Variants in MED13L observed in about 807,000 individuals in gnomAD.
MED13L encodes mediator complex subunit 13L.
In MED13L, 7 loss-of-function variants were observed where a neutral mutation model predicts 220.9. The ratio of observed to expected loss-of-function variants is 0.03; its 90% CI spans 0.02 to 0.06. MED13L has a LOEUF of 0.06. Among genes scored for constraint, MED13L ranks in the 10% least tolerant of loss-of-function variants. The pLI is 1.00. For synonymous variants in MED13L, 1,011 were observed against 1,015.2 expected (o/e 1.00, Z 0.08); for missense variants, 1,965 against 2,760.5 (o/e 0.71, Z 6.46).
intron 2 of MED13L, among the ~76,000 whole-genome samples, chr12:116,228,740 G>C (rs1489868188): frequency 6.6e-6 from 1 of 152,138 alleles, no homozygotes; most frequent in Non-Finnish European, 1.5e-5. Context: ...TCCATTCAAT[G>C]TTAATGTTCT....
chr12:116,133,888 T>C (rs866719583), intron 2 of MED13L, among the ~76,000 whole-genome samples: 1 of 152,126 alleles, frequency 6.6e-6, no homozygotes, highest in African/African-American at 2.4e-5. Flanking sequence ...GCCAACTGTC[T>C]CAGCTGACAT....
intron 2 of MED13L, among the ~76,000 whole-genome samples, chr12:116,172,713 T>C (rs922602125): frequency 2.0e-5 from 3 of 152,058 alleles, no homozygotes; most frequent in East Asian, 1.9e-4. Context: ...ATCTGTCAAT[T>C]TGTGGGAATC....
intron 2 of MED13L, among the ~76,000 whole-genome samples, chr12:116,159,062 AAAAAATC>A (rs1878664807): frequency 6.6e-6 from 1 of 152,188 alleles, no homozygotes; most frequent in African/African-American, 2.4e-5. Flanking sequence ...TTCAACAAAC[AAAAAATC>A]ACCACCACAA....
rs566053231 is a variant in MED13L at position 116,156,812 on chromosome 12, G to A, written c.311-45300C>T. ...ATTATGCCTAAGTCATAAAACTGCC[G>A]AGTAGAGCAAAATATCTCCCTTTGC... On this transcript the variant is annotated intron_variant, in intron 2 of 30. Transcript: ENST00000281928. 9.9e-5 allele frequency among the ~76,000 whole-genome samples: 15 copies of A among 152,228 alleles called. No homozygotes were observed. In the South Asian group the frequency reaches 1.7e-3, roughly 17 times the overall value.
At chr12:116,134,033 A>C (rs1876307178) in intron 2 of MED13L, among the ~76,000 whole-genome samples, 1 of 152,066 alleles carries the variant, frequency 6.6e-6, no homozygotes, top group African/African-American at 2.4e-5. Flanking sequence ...TGGAGCAAAA[A>C]CTACTGGTCC....
At chr12:116,137,855 T>C (rs1037211504) in intron 2 of MED13L, among the ~76,000 whole-genome samples, 2 of 146,036 alleles carry the variant, frequency 1.4e-5, no homozygotes, top group African/African-American at 5.1e-5. Context: ...TGAGGTAATT[T>C]TTTTTTTTTT....
intron 1 of MED13L, among the ~76,000 whole-genome samples, chr12:116,264,843 G>C (rs1215158721): frequency 1.3e-5 from 2 of 151,990 alleles, no homozygotes; most frequent in Non-Finnish European, 2.9e-5. Context: ...AAACTTAAAA[G>C]TAAGCTGCAC....
intron 4 of MED13L, among the ~76,000 whole-genome samples, chr12:116,025,831 A>G (rs772232834): frequency 3.3e-5 from 5 of 152,202 alleles, no homozygotes; most frequent in African/African-American, 7.2e-5. Context: ...AATGCATTGT[A>G]TATCTCAAAA....
At chr12:116,172,877 A>G (rs1051161886) in intron 2 of MED13L, among the ~76,000 whole-genome samples, 2 of 151,608 alleles carry the variant, frequency 1.3e-5, no homozygotes, top group African/African-American at 4.9e-5. Flanking sequence ...CTTGCAAGGA[A>G]TAAGCACTCC....
At position 116,125,165 on chromosome 12, in the gene MED13L, T is replaced by C. The variant is rs549066207; in HGVS notation, c.311-13653A>G. On this transcript the variant is annotated intron_variant, in intron 2 of 30. Coordinates refer to ENST00000281928, the MANE Select transcript of MED13L (RefSeq NM_015335.5). The stretch of plus-strand genomic sequence containing the variant: ...GTTCACAAAACTTTGAAACCTGTAA[T>C]AGCTTTTCAAAAAATAATTATGTAG... Among the ~76,000 whole-genome samples the C allele has an allele frequency of 8.5e-5, 13 of 152,278 alleles. No homozygotes were observed. The South Asian group carries it at 2.1e-3, about 24-fold the overall frequency.
At chr12:116,217,500 C>A (rs146106012) in intron 2 of MED13L, among the ~76,000 whole-genome samples, 2 of 152,242 alleles carry the variant, frequency 1.3e-5, no homozygotes, top group African/African-American at 4.8e-5. Flanking sequence ...CAGTTCACGT[C>A]GGCCCATGAT....
intron 1 of MED13L, chr12:116,276,325 TGTGTGTGTGTGTGTGTGTGTGTGTGTGC>T: frequency 2.1e-6 from 1 of 480,134 alleles, no homozygotes; most frequent in Non-Finnish European, 3.6e-6. Context: ...TGTGTGTGTG[TGTGTGTGTGTGTGTGTGTGTGTGTGTGC>T]GGATTCGTTG....
At chr12:115,995,462 C>T (rs960138606) in intron 16 of MED13L, among the ~76,000 whole-genome samples, 3 of 152,122 alleles carry the variant, frequency 2.0e-5, no homozygotes, top group African/African-American at 4.8e-5. Context: ...CTTGCTCTGT[C>T]GACCAGGCTG....
chr12:115,975,432 T>G lies in MED13L; in HGVS notation c.5588+83A>C, dbSNP rs192414989. 8.6e-5 allele frequency: 137 copies of G among 1,591,898 alleles called. No homozygotes were observed. In the African/African-American group the frequency reaches 1.7e-3, roughly 19 times the overall value. On this transcript the variant is annotated intron_variant, in intron 24 of 30. Transcript: ENST00000281928. ...CCTATCCATGCTGTACCCACTTCAT[T>G]TACATAGAAAACTGGAAATATTCAT...
At chr12:116,182,536 T>A (rs1230243846) in intron 2 of MED13L, among the ~76,000 whole-genome samples, 3 of 152,214 alleles carry the variant, frequency 2.0e-5, no homozygotes, top group Non-Finnish European at 2.9e-5. Flanking sequence ...TCCTTGCTGT[T>A]ACCTGTTGCC....
chr12:116,053,592 T>A (rs779635643), intron 4 of MED13L, among the ~76,000 whole-genome samples: 1 of 152,162 alleles, frequency 6.6e-6, no homozygotes, highest in Non-Finnish European at 1.5e-5. Context: ...ACAACAACTC[T>A]AAGGTAGGCA....
chr12:116,089,435 T>C (rs961567810), intron 4 of MED13L, among the ~76,000 whole-genome samples: 8 of 152,188 alleles, frequency 5.3e-5, no homozygotes, highest in Admixed American at 1.3e-4. Flanking sequence ...ATCTAAACAT[T>C]TGATATTATT....
chr12:116,205,894 C>T (rs1034098409), intron 2 of MED13L, among the ~76,000 whole-genome samples: 4 of 150,538 alleles, frequency 2.7e-5, no homozygotes, highest in African/African-American at 9.7e-5. Context: ...ATAAATACAG[C>T]AGTTTCTGCT....
At chr12:116,255,204 T>A (rs948152939) in intron 1 of MED13L, among the ~76,000 whole-genome samples, 2 of 152,310 alleles carry the variant, frequency 1.3e-5, no homozygotes, top group Admixed American at 6.5e-5. Flanking sequence ...TCAAAGGAAC[T>A]GAATATAGAA....
Sources: allele counts gnomAD v4.1 joint callset (sites outside exome capture counted in the v4.1 genomes callset), GRCh38; gene constraint gnomAD v4.1.1; transcripts MANE v1.5; gene names NCBI Gene and HGNC (gene_info 2026-07-23, HGNC 2026-07-21).